Variants in NCOR1 observed in about 807,000 individuals in gnomAD.
The protein encoded by NCOR1 is protein phosphatase 1, regulatory subunit 109.
NCOR1 carries 63 observed loss-of-function variants against 288.1 expected under a neutral mutation model. The observed-to-expected ratio is 0.22, with a 90% CI of 0.18 to 0.27. NCOR1 has a LOEUF of 0.27. Among genes scored for constraint, NCOR1 ranks in the 10% least tolerant of loss-of-function variants. The probability of loss-of-function intolerance (pLI) is 1.00; values close to 1 mark genes in which losing one functional copy is unlikely to be tolerated. For synonymous variants in NCOR1, 1,007 were observed against 1,065.9 expected, an observed-to-expected ratio of 0.94 and a Z score of 1.08; for missense variants, 2,397 against 3,019.2, an observed-to-expected ratio of 0.79 and a Z score of 4.83.
At chr17:16,108,268 G>C (rs778308288) in intron 19 of NCOR1, 12 of 317,312 alleles carry the variant, frequency 3.8e-5, no homozygotes, top group South Asian at 1.2e-4. Context: ...AAAAAATCAA[G>C]AAAACATTTA....
intron 32 of NCOR1, among the ~76,000 whole-genome samples, chr17:16,067,063 G>A (rs2061206470): frequency 6.6e-6 from 1 of 152,214 alleles, no homozygotes; most frequent in African/African-American, 2.4e-5. Context: ...TGCAGCCGGT[G>A]GTCCTGCAGA....
intron 14 of NCOR1, among the ~76,000 whole-genome samples, chr17:16,127,442 T>C (rs1304447073): frequency 6.8e-6 from 1 of 147,362 alleles, no homozygotes; most frequent in Non-Finnish European, 1.5e-5. Flanking sequence ...TGTATGTATA[T>C]ATGTGTATAT....
chr17:16,080,342 ATAAC>A, intron 25 of NCOR1, 62 bp downstream of exon 25: 2 of 1,283,480 alleles, frequency 1.6e-6, no homozygotes, highest in Non-Finnish European at 2.2e-6. Flanking sequence ...AAATATATTA[ATAAC>A]TTACTTTAAT....
intron 1 of NCOR1, among the ~76,000 whole-genome samples, chr17:16,204,889 C>T (rs1437558083): frequency 6.6e-6 from 1 of 152,186 alleles, no homozygotes; most frequent in Non-Finnish European, 1.5e-5. Flanking sequence ...CATAACATTA[C>T]AAAAGAATAG....
chr17:16,126,861 G>A (rs1296151953), intron 14 of NCOR1, among the ~76,000 whole-genome samples: 1 of 152,164 alleles, frequency 6.6e-6, no homozygotes. Flanking sequence ...AACTAAGTGT[G>A]CAATGAATGC....
chr17:16,169,907 A>G (rs1351029978), intron 4 of NCOR1, among the ~76,000 whole-genome samples: 1 of 152,204 alleles, frequency 6.6e-6, no homozygotes, highest in Non-Finnish European at 1.5e-5. Flanking sequence ...TATGATAAAG[A>G]TGATTCACAT....
chr17:16,183,230 C>CAAAAAAAAA (rs59665102), intron 3 of NCOR1, among the ~76,000 whole-genome samples: 29 of 63,948 alleles, frequency 4.5e-4, no homozygotes, highest in African/African-American at 6.5e-4. Context: ...AGCAATCAAA[C>CAAAAAAAAA]AAAAAAAAAA....
intron 32 of NCOR1, 128 bp downstream of exon 32, chr17:16,067,760 AGTTTGT>A: frequency 1.2e-6 from 1 of 844,106 alleles, no homozygotes; most frequent in Admixed American, 3.4e-5. Context: ...GGGAGAATTT[AGTTTGT>A]GAAAATTCAC....
intron 6 of NCOR1, among the ~76,000 whole-genome samples, chr17:16,153,604 A>T (rs903016297): frequency 3.3e-5 from 5 of 152,186 alleles, no homozygotes; most frequent in Non-Finnish European, 7.3e-5. Flanking sequence ...AAAACTCTGA[A>T]ATTGTATTGT....
intron 42 of NCOR1, among the ~76,000 whole-genome samples, chr17:16,045,666 G>A (rs1198119986): frequency 1.3e-5 from 2 of 151,878 alleles, no homozygotes; most frequent in African/African-American, 4.8e-5. Context: ...ACGCCACCAT[G>A]ACCAGCTGTT....
At chr17:16,087,246 C>T (rs1359869209) in intron 22 of NCOR1, 1 of 1,304,262 alleles carries the variant, frequency 7.7e-7, no homozygotes. Flanking sequence ...TGGAGAAAGC[C>T]TACACGGTGA....
chr17:16,099,406 C>T (rs1015408214), intron 20 of NCOR1, among the ~76,000 whole-genome samples: 1 of 152,092 alleles, frequency 6.6e-6, no homozygotes, highest in African/African-American at 2.4e-5. Flanking sequence ...AAAAACAATT[C>T]ACATACTATA....
chr17:16,078,176 G>A (rs1233435769), intron 26 of NCOR1, among the ~76,000 whole-genome samples: 3 of 152,202 alleles, frequency 2.0e-5, no homozygotes, highest in Admixed American at 1.3e-4. Flanking sequence ...GCAGCTTGGT[G>A]TAAAATAGGA....
At chr17:16,114,523 G>A (rs573178692) in intron 18 of NCOR1, among the ~76,000 whole-genome samples, 2 of 152,346 alleles carry the variant, frequency 1.3e-5, no homozygotes, top group African/African-American at 4.8e-5. Context: ...CTATGAGCCT[G>A]TGAAAGCAGA....
At chr17:16,060,816 A>G (rs1236315190) in intron 37 of NCOR1, among the ~76,000 whole-genome samples, 2 of 152,234 alleles carry the variant, frequency 1.3e-5, no homozygotes, top group Non-Finnish European at 2.9e-5. Context: ...GAATTAAGGC[A>G]ATAGTTTAAA....
rs1439889264 is a variant in NCOR1 at position 16,064,054 on chromosome 17, T to C, written c.5221+14A>G. Reference sequence around the variant, plus strand: ...ATGTGTCCAGAGAATGGAAGAGCAGTGCCTTTCACTGACCTGGCCGCAGGT... The same window carrying C: ...ATGTGTCCAGAGAATGGAAGAGCAGCGCCTTTCACTGACCTGGCCGCAGGT... On this transcript the variant is annotated intron_variant, in intron 35 of 45. Coordinates refer to ENST00000268712, the MANE Select transcript of NCOR1 (RefSeq NM_006311.4). 2.5e-6 allele frequency: 4 copies of C among 1,613,608 alleles called. No homozygotes were observed. Among genetic ancestry groups the C allele is most frequent in the Non-Finnish European group, 3.4e-6 (4 of 1,179,666 alleles).
chr17:16,149,370 T>C (rs886706076), intron 9 of NCOR1, 81 bp downstream of exon 9: 118 of 651,210 alleles, frequency 1.8e-4, no homozygotes, highest in Non-Finnish European at 2.7e-4. Flanking sequence ...ACCACTCTCA[T>C]TAACAGTAGG....
Position 16,138,584 on chromosome 17 carries a change from C to CA in NCOR1, c.1353-373dup, listed in dbSNP as rs1352417170. Among the ~76,000 whole-genome samples, 32 of 151,816 alleles carry CA rather than the reference C, an allele frequency of 2.1e-4. 1 individual carries two copies. The South Asian group carries it at 4.6e-3, about 22-fold the overall frequency. On this transcript the variant is annotated intron_variant, in intron 12 of 45. Transcript: ENST00000268712. The stretch of plus-strand genomic sequence containing the variant: ...TAAGCGACAGAGCGAGACTCCGTCT[C>CA]AAAAAAAACAGAAGAGAAATACTAT...
chr17:16,213,083 A>G (rs2092285228), intron 1 of NCOR1, among the ~76,000 whole-genome samples: 1 of 152,136 alleles, frequency 6.6e-6, no homozygotes, highest in African/African-American at 2.4e-5. Context: ...AAGCTTTAAA[A>G]AAGTTATTAA....
Sources: gnomAD v4.1 joint callset for allele counts (sites outside exome capture counted in the v4.1 genomes callset) on GRCh38, gnomAD v4.1.1 for gene constraint, MANE v1.5 for transcripts, NCBI Gene and HGNC (gene_info 2026-07-23, HGNC 2026-07-21) for gene names.